The following MOK variants were observed in gnomAD, a reference collection of about 807,000 sequenced individuals.
The protein encoded by MOK is MOK protein kinase, also known as MAPK/MAK/MRK overlapping kinase.
A neutral mutation model predicts 54.2 loss-of-function variants in MOK; 59 were observed. That is an observed-to-expected ratio of 1.09 (90% CI 0.88 to 1.35). The LOEUF is 1.35. Among genes scored for constraint, MOK ranks in the 40% most tolerant of loss-of-function variants. The pLI, the probability that MOK is intolerant of heterozygous loss-of-function variation, is 0.00. For missense variants in MOK, 517 were observed against 526.2 expected (o/e 0.98, Z 0.17); for synonymous variants, 210 against 202.7 (o/e 1.04, Z -0.31).
chr14:102,224,104 C>T (rs2064151943), downstream of MOK, among the ~76,000 whole-genome samples: 1 of 147,738 alleles, frequency 6.8e-6, no homozygotes, highest in Non-Finnish European at 1.5e-5. Context: ...TGCAGTGGCG[C>T]AATCTCGGCT....
chr14:102,271,371 T>C (rs1292779297), intron 2 of MOK, among the ~76,000 whole-genome samples: 2 of 152,114 alleles, frequency 1.3e-5, no homozygotes, highest in African/African-American at 2.4e-5. Flanking sequence ...AATGATGTTA[T>C]AATAAACATC....
intron 10 of MOK, 122 bp from the exon 11 acceptor site, chr14:102,229,779 G>GTCCC: frequency 1.1e-6 from 1 of 902,196 alleles, no homozygotes; most frequent in Non-Finnish European, 1.6e-6. Context: ...CATAAGATGT[G>GTCCC]ACTGGGACAC....
chr14:102,281,860 T>C (rs1013146793), intron 2 of MOK, among the ~76,000 whole-genome samples: 1 of 152,180 alleles, frequency 6.6e-6, no homozygotes, highest in African/African-American at 2.4e-5. Context: ...GAATGCAGAA[T>C]GCATAGAGAG....
At chr14:102,224,908 T>C (rs923439948), downstream of MOK, 1 of 414,522 alleles carries the variant, frequency 2.4e-6, no homozygotes, top group Non-Finnish European at 4.8e-6. Flanking sequence ...GATATTAGCA[T>C]GTTTTAGGTA....
intron 7 of MOK, among the ~76,000 whole-genome samples, chr14:102,242,984 G>T (rs1014208745): frequency 2.0e-5 from 3 of 152,062 alleles, no homozygotes; most frequent in Non-Finnish European, 4.4e-5. Flanking sequence ...CTGTACTGCT[G>T]CAAGGCTTCA....
chr14:102,289,845 C>A (rs1327073393), intron 1 of MOK, among the ~76,000 whole-genome samples: 1 of 152,048 alleles, frequency 6.6e-6, no homozygotes, highest in Non-Finnish European at 1.5e-5. Context: ...AATAATATGT[C>A]TCCATACTGT....
chr14:102,268,909 C>T (rs1404716811), intron 2 of MOK, among the ~76,000 whole-genome samples: 3 of 132,734 alleles, frequency 2.3e-5, no homozygotes, highest in Non-Finnish European at 3.1e-5. Flanking sequence ...TGTGAGACTC[C>T]GTCTCAAAAA....
chr14:102,304,475 CA>C (rs2072561007), intron 1 of MOK, among the ~76,000 whole-genome samples: 1 of 151,866 alleles, frequency 6.6e-6, no homozygotes, highest in Non-Finnish European at 1.5e-5. Flanking sequence ...CTGCTTGACC[CA>C]AAAAATAAAA....
Position 102,263,592 on chromosome 14 carries a change from T to C in MOK, c.237A>G (p.Ala79=), listed in dbSNP as rs80175689. 5 of 1,606,162 alleles carry C rather than the reference T, an allele frequency of 3.1e-6. No homozygotes were observed. In the African/African-American group the frequency reaches 4.0e-5, roughly 13 times the overall value. The change falls in exon 4 of 12, where the codon GCA becomes GCG. Residue 79 remains alanine, a synonymous_variant. Coordinates refer to ENST00000361847, the MANE Select transcript of MOK (RefSeq NM_014226.3). ...TCATGTCCATAAGTTCACATATTAG[T>C]GCAAGAGAACCAGATTTTCTGTCAC... ...VVFDRKSGSL[A]LICELMDMNI...
intron 1 of MOK, among the ~76,000 whole-genome samples, chr14:102,293,701 C>CCAAAAAAAAAAAAAAAAAAAAAAAA (rs1432616309): frequency 1.8e-5 from 1 of 54,590 alleles, no homozygotes; most frequent in Admixed American, 2.8e-4. Flanking sequence ...AACTCCATCA[C>CCAAAAAAAAAAAAAAAAAAAAAAAA]AAAAAAAAAA....
chr14:102,216,905 C>A, the MOK span, among the ~76,000 whole-genome samples: 1 of 148,898 alleles, frequency 6.7e-6, no homozygotes, highest in Non-Finnish European at 1.5e-5. Flanking sequence ...TGCACTCCAG[C>A]CTGGGCGACA....
At chr14:102,244,735 C>T (rs1184647845) in intron 7 of MOK, among the ~76,000 whole-genome samples, 1 of 152,196 alleles carries the variant, frequency 6.6e-6, no homozygotes, top group African/African-American at 2.4e-5. Flanking sequence ...CATTTCTTCC[C>T]TTCTGTCAGA....
the MOK span, among the ~76,000 whole-genome samples, chr14:102,215,710 A>C: frequency 9.9e-5 from 15 of 152,146 alleles, no homozygotes; most frequent in African/African-American, 3.6e-4. Flanking sequence ...GTGTTTGCTT[A>C]AGGCTTTGTG....
intron 7 of MOK, among the ~76,000 whole-genome samples, chr14:102,237,169 T>C (rs2065296506): frequency 6.6e-6 from 1 of 152,222 alleles, no homozygotes; most frequent in African/African-American, 2.4e-5. Context: ...CCTCACTTCT[T>C]TGGACAAGCT....
At chr14:102,300,926 G>A (rs539944624) in intron 1 of MOK, among the ~76,000 whole-genome samples, 2 of 152,114 alleles carry the variant, frequency 1.3e-5, no homozygotes, top group African/African-American at 4.8e-5. Context: ...GTGAAACCCC[G>A]TCTCTACTCA....
At chr14:102,277,701 A>G (rs973241990) in intron 2 of MOK, among the ~76,000 whole-genome samples, 1 of 152,278 alleles carries the variant, frequency 6.6e-6, no homozygotes, top group African/African-American at 2.4e-5. Flanking sequence ...GGAGGTGGAC[A>G]CAAGAGCACA....
At chr14:102,258,689 C>T (rs2067159926) in intron 4 of MOK, among the ~76,000 whole-genome samples, 1 of 152,164 alleles carries the variant, frequency 6.6e-6, no homozygotes, top group South Asian at 2.1e-4. Context: ...TCATCTGACA[C>T]CTGTTCAACA....
chr14:102,296,277 T>C (rs951933092), intron 1 of MOK, among the ~76,000 whole-genome samples: 17 of 150,192 alleles, frequency 1.1e-4, no homozygotes, highest in Non-Finnish European at 2.4e-4. Flanking sequence ...CAAGATCTAT[T>C]ACAAAAAAAA....
Position 102,232,465 on chromosome 14 carries a change from C to A in MOK, c.866+70G>T. 1.3e-6 allele frequency: 2 copies of A among 1,528,620 alleles called. No homozygotes were observed. The highest frequency in any genetic ancestry group is 2.5e-5 in the South Asian group (2 of 80,070). 94.7% of individuals were successfully genotyped at this position (1,528,620 alleles called of 1,614,324 possible). On this transcript the variant is annotated intron_variant, in intron 9 of 11. Transcript: ENST00000361847. This position sits in a 1 kb window ranked among gnomAD's most constrained non-coding sequence, Gnocchi z 5.1. ...ACCCTCCAGGGGGCAGTACCTTGCC[C>A]CACCATGTGCCCATGGGTCTCATTT...
Sources: allele counts gnomAD v4.1 joint callset (sites outside exome capture counted in the v4.1 genomes callset), GRCh38; gene constraint gnomAD v4.1.1; non-coding constraint Gnocchi (gnomAD v3.1); transcripts MANE v1.5; gene names NCBI Gene and HGNC (gene_info 2026-07-23, HGNC 2026-07-21).